The following LRP1B variants were observed in gnomAD, a reference collection of about 807,000 sequenced individuals.
LRP1B encodes low-density lipoprotein receptor-related protein 1B.
A neutral mutation model predicts 556.6 loss-of-function variants in LRP1B; 217 were observed. The observed-to-expected ratio is 0.39, with a 90% CI of 0.35 to 0.44. The LOEUF (loss-of-function observed/expected upper bound fraction) is 0.44. Ranked by LOEUF, LRP1B falls within the 20% of genes least tolerant of loss-of-function variation. The pLI is 1.00. For missense variants in LRP1B, 5,053 were observed against 5,620.8 expected, an observed-to-expected ratio of 0.90 and a Z score of 3.23; for synonymous variants, 2,047 against 1,865.8, an observed-to-expected ratio of 1.10 and a Z score of -2.50.
intron 1 of LRP1B, among the ~76,000 whole-genome samples, chr2:141,819,235 T>C (rs866725598): frequency 3.3e-5 from 5 of 151,178 alleles, no homozygotes; most frequent in Non-Finnish European, 1.5e-5. Context: ...AGACTCCATC[T>C]CAAACAAACA....
rs892345971 is a variant in LRP1B, at chr2:140,840,037, A to G, written c.5163T>C (p.Asp1721=). The part of the protein sequence containing the change: ...DGNTINMANM[D]GSNSKILFQN... ...GAAACAGAATCTTGCTATTACTGCC[A>G]TCCATATTTGCCATGTTAATTGTGT... The change falls in exon 31 of 91, where the codon GAT becomes GAC. Residue 1721 remains aspartate, a synonymous_variant. Coordinates refer to ENST00000389484, the MANE Select transcript of LRP1B (RefSeq NM_018557.3). 2 of 1,611,564 alleles carry G rather than the reference A, an allele frequency of 1.2e-6. No individual in the cohort carries two copies. The highest frequency in any genetic ancestry group is 1.1e-5 in the South Asian group (1 of 90,524).
chr2:141,764,714 T>G (rs1157307732), intron 2 of LRP1B, among the ~76,000 whole-genome samples: 2 of 151,988 alleles, frequency 1.3e-5, no homozygotes, highest in Non-Finnish European at 2.9e-5. Flanking sequence ...TATGGGAGCC[T>G]GAGCTTAATA....
chr2:141,535,517 T>G (rs1241164731), intron 2 of LRP1B, among the ~76,000 whole-genome samples: 1 of 150,788 alleles, frequency 6.6e-6, no homozygotes, highest in Non-Finnish European at 1.5e-5. Context: ...TTTCTAGTAT[T>G]CTCGAAATTG....
intron 6 of LRP1B, among the ~76,000 whole-genome samples, chr2:141,212,007 A>G (rs1682574715): frequency 6.6e-6 from 1 of 152,176 alleles, no homozygotes; most frequent in African/African-American, 2.4e-5. Context: ...TAAATGTGCT[A>G]AATAGAAGAT....
At chr2:140,838,830 A>T (rs537380043) in intron 31 of LRP1B, among the ~76,000 whole-genome samples, 1 of 152,328 alleles carries the variant, frequency 6.6e-6, no homozygotes, top group African/African-American at 2.4e-5. Flanking sequence ...GAAAGAAAAC[A>T]TGAGGAAAAA....
At chr2:140,430,317 G>T (rs2105281937) in intron 66 of LRP1B, among the ~76,000 whole-genome samples, 1 of 152,206 alleles carries the variant, frequency 6.6e-6, no homozygotes, top group South Asian at 2.1e-4. Flanking sequence ...TTCTAAATAT[G>T]CCTTTCATAT....
intron 11 of LRP1B, among the ~76,000 whole-genome samples, chr2:141,036,854 A>G (rs1180484515): frequency 6.6e-6 from 1 of 151,572 alleles, no homozygotes; most frequent in Non-Finnish European, 1.5e-5. Context: ...TTGTATATTG[A>G]TATTAAAAAA....
chr2:140,851,743 G>A lies in LRP1B; in HGVS notation c.4620C>T (p.Cys1540=). 1 of 1,607,206 alleles carries A rather than the reference G, an allele frequency of 6.2e-7. No individual in the cohort carries two copies. The highest frequency in any genetic ancestry group is 8.5e-7 in the Non-Finnish European group (1 of 1,177,794). ...TGTGATTGATTAGACACATGTGAGA[G>A]CAGGGGCCTTTGCCATCATTAGCTG... ...PCAANDGKGP[C]SHMCLINHNR... The change falls in exon 28 of 91, where the codon TGC becomes TGT. Residue 1540 remains cysteine (C), a synonymous_variant. Transcript: ENST00000389484.
intron 1 of LRP1B, among the ~76,000 whole-genome samples, chr2:141,816,619 G>T (rs536748475): frequency 6.6e-6 from 1 of 152,158 alleles, no homozygotes; most frequent in South Asian, 2.1e-4. Context: ...GGCCTATTGT[G>T]GGACTGCACC....
intron 1 of LRP1B, among the ~76,000 whole-genome samples, chr2:141,880,264 A>C (rs1698911247): frequency 6.6e-6 from 1 of 152,056 alleles, no homozygotes; most frequent in Non-Finnish European, 1.5e-5. Flanking sequence ...TTGGCTCCTC[A>C]CAGCTTTGGG....
rs534141932 is a variant in LRP1B, at chr2:141,899,990, T to C, written c.83-89589A>G. ...CAAAGTGCAACCTGGAATACCTCCG[T>C]GATAATACTTGAGCAGATGAACACG... is the stretch of plus-strand genomic sequence containing the variant. On this transcript the variant is annotated intron_variant, in intron 1 of 90. Transcript: ENST00000389484. Among the ~76,000 whole-genome samples, 35 of 152,152 alleles carry C rather than the reference T, an allele frequency of 2.3e-4. 3 individuals carry two copies. The South Asian group carries it at 5.6e-3, about 24-fold the overall frequency.
rs189978837 is a variant in LRP1B at position 141,078,768 on chromosome 2, T to C, written c.1014-16495A>G. Among the ~76,000 whole-genome samples the C allele has an allele frequency of 2.5e-4, 38 of 152,310 alleles. 1 individual carries two copies. The South Asian group carries it at 5.6e-3, about 22-fold the overall frequency. The stretch of plus-strand genomic sequence containing the variant: ...AATAGTGGGTCTACTAACCAGAATT[T>C]ACAAATGGTAAACAAAGACTGCAAA... On this transcript the variant is annotated intron_variant, in intron 7 of 90. Transcript: ENST00000389484.
intron 29 of LRP1B, among the ~76,000 whole-genome samples, chr2:140,845,820 A>G (rs992557883): frequency 6.6e-6 from 1 of 152,234 alleles, no homozygotes; most frequent in Non-Finnish European, 1.5e-5. Context: ...ACAAATTGAA[A>G]GAAGTTAACA....
chr2:141,098,530 T>C (rs1424119816), intron 7 of LRP1B, among the ~76,000 whole-genome samples: 1 of 152,188 alleles, frequency 6.6e-6, no homozygotes. Context: ...CTCTCAATTG[T>C]TTTTCTTCAG....
At chr2:141,030,247 T>C (rs1479489486) in intron 11 of LRP1B, among the ~76,000 whole-genome samples, 1 of 152,056 alleles carries the variant, frequency 6.6e-6, no homozygotes, top group African/African-American at 2.4e-5. Flanking sequence ...AAATTCCACA[T>C]ATATAAAATA....
intron 55 of LRP1B, among the ~76,000 whole-genome samples, chr2:140,499,785 AAAT>A: frequency 6.6e-6 from 1 of 152,092 alleles, no homozygotes; most frequent in Non-Finnish European, 1.5e-5. Context: ...GGTACAGTAA[AAAT>A]AATTCTATAG....
At chr2:140,656,299 G>A (rs1005553109) in intron 41 of LRP1B, among the ~76,000 whole-genome samples, 5 of 152,148 alleles carry the variant, frequency 3.3e-5, no homozygotes, top group African/African-American at 9.7e-5. Context: ...TTAAAGGGAT[G>A]TACTAATTCT....
At chr2:141,741,337 A>G (rs1693696930) in intron 2 of LRP1B, among the ~76,000 whole-genome samples, 3 of 123,346 alleles carry the variant, frequency 2.4e-5, no homozygotes. Flanking sequence ...ACTGGAGAAT[A>G]TGGTAGCTCT....
intron 1 of LRP1B, among the ~76,000 whole-genome samples, chr2:141,947,947 G>A (rs2105027947): frequency 6.6e-6 from 1 of 152,134 alleles, no homozygotes; most frequent in East Asian, 1.9e-4. Context: ...TTATTTATAT[G>A]TGATCCTTGT....
Sources: gnomAD v4.1 joint callset for allele counts (sites outside exome capture counted in the v4.1 genomes callset) on GRCh38, gnomAD v4.1.1 for gene constraint, MANE v1.5 for transcripts, NCBI Gene and HGNC (gene_info 2026-07-23, HGNC 2026-07-21) for gene names.